EVL: variants seen among roughly 807,000 people sequenced by gnomAD.
EVL encodes the protein ena/VASP-like protein.
In EVL, 21 loss-of-function variants were observed where a neutral mutation model predicts 59.6. The ratio of observed to expected loss-of-function variants is 0.35; its 90% CI spans 0.25 to 0.51. EVL has a LOEUF of 0.51. Ranked by LOEUF, EVL falls within the 20% of genes least tolerant of loss-of-function variation. The pLI, the probability that EVL is intolerant of heterozygous loss-of-function variation, is 0.97. For missense variants in EVL, 462 were observed against 546.6 expected, an observed-to-expected ratio of 0.85 and a Z score of 1.54; for synonymous variants, 198 against 203.5, an observed-to-expected ratio of 0.97 and a Z score of 0.23.
intron 1 of EVL, among the ~76,000 whole-genome samples, chr14:100,055,805 TTCTTTTTCTTTC>T (rs1417165379): frequency 1.7e-4 from 25 of 151,476 alleles, no homozygotes; most frequent in South Asian, 4.2e-4. Context: ...TTTTTCTTTT[TTCTTTTTCTTTC>T]TCTTTTTCTT....
chr14:100,035,608 A>C (rs184113691), intron 1 of EVL, among the ~76,000 whole-genome samples: 10 of 152,276 alleles, frequency 6.6e-5, no homozygotes, highest in African/African-American at 2.4e-4. Context: ...GTTTTCTAGC[A>C]CCTGGCCAAA....
intron 1 of EVL, among the ~76,000 whole-genome samples, chr14:100,020,188 G>C (rs749933840): frequency 6.6e-6 from 1 of 152,050 alleles, no homozygotes; most frequent in Non-Finnish European, 1.5e-5. Flanking sequence ...TCTCATCGCC[G>C]GTCTGTTTTC....
chr14:99,979,597 C>T (rs997425415), intron 1 of EVL, among the ~76,000 whole-genome samples: 4 of 151,744 alleles, frequency 2.6e-5, no homozygotes, highest in Admixed American at 6.6e-5. Context: ...TGGCTGGGTG[C>T]GGTGGCTCAC....
At chr14:100,123,404 G>T in intron 3 of EVL, 135 bp from the exon 4 acceptor site, 1 of 786,224 alleles carries the variant, frequency 1.3e-6, no homozygotes. Context: ...TGTGAGTGAG[G>T]CCAACATTTA....
chr14:99,991,266 G>C (rs1332467956), intron 1 of EVL, among the ~76,000 whole-genome samples: 1 of 152,074 alleles, frequency 6.6e-6, no homozygotes. Context: ...TTCCTGTTTA[G>C]AAAAAGTACA....
intron 1 of EVL, among the ~76,000 whole-genome samples, chr14:100,035,981 G>A (rs984038591): frequency 6.6e-6 from 1 of 152,094 alleles, no homozygotes; most frequent in African/African-American, 2.4e-5. Flanking sequence ...CTATGGCAGG[G>A]GTCCCCAACC....
At chr14:100,042,025 A>G (rs1265061156) in intron 1 of EVL, among the ~76,000 whole-genome samples, 2 of 152,264 alleles carry the variant, frequency 1.3e-5, no homozygotes, top group African/African-American at 4.8e-5. Flanking sequence ...TAATAACCAT[A>G]TGAACTAAAG....
intron 3 of EVL, chr14:100,106,880 C>T: frequency 2.5e-6 from 1 of 398,680 alleles, no homozygotes. Flanking sequence ...AAACCACTTC[C>T]TGATATGACC....
chr14:100,137,677 G>A (rs1254966406), intron 10 of EVL, 33 bp downstream of exon 10: 3 of 1,614,016 alleles, frequency 1.9e-6, no homozygotes, highest in Non-Finnish European at 2.5e-6. Flanking sequence ...GAGCAGCGAG[G>A]CTGGTGGGGC....
intron 1 of EVL, among the ~76,000 whole-genome samples, chr14:99,976,416 C>T (rs1431753575): frequency 2.0e-5 from 3 of 152,022 alleles, no homozygotes; most frequent in Non-Finnish European, 2.9e-5. Context: ...TGTCTTTTAC[C>T]TCCTTTAACA....
intron 1 of EVL, among the ~76,000 whole-genome samples, chr14:100,029,903 A>G (rs1014116212): frequency 9.2e-5 from 14 of 152,106 alleles, no homozygotes; most frequent in African/African-American, 3.4e-4. Flanking sequence ...GCAGAGATAA[A>G]CATTTTCACC....
At chr14:99,977,304 C>CATAA (rs1312186353) in intron 1 of EVL, 3 of 152,166 alleles carry the variant, frequency 2.0e-5, no homozygotes, top group African/African-American at 4.8e-5. Flanking sequence ...GTACTTTTAT[C>CATAA]TCCTTTCCAT....
chr14:100,030,955 G>A (rs141881877), intron 1 of EVL, among the ~76,000 whole-genome samples: 53 of 152,272 alleles, frequency 3.5e-4, no homozygotes, highest in African/African-American at 1.2e-3. Flanking sequence ...AACTAACTAG[G>A]ACTACACGGG....
chr14:99,987,904 A>AGTTTTTTTT (rs1566963012), intron 1 of EVL, among the ~76,000 whole-genome samples: 1 of 139,484 alleles, frequency 7.2e-6, no homozygotes. Flanking sequence ...AAGACAACCC[A>AGTTTTTTTT]ATTTTTTTTT....
intron 1 of EVL, among the ~76,000 whole-genome samples, chr14:100,046,109 A>C (rs1399072339): frequency 1.3e-5 from 2 of 152,206 alleles, no homozygotes; most frequent in Admixed American, 1.3e-4. Context: ...GAGATAGCCA[A>C]ATGATAAGAA....
At chr14:100,050,353 A>AT (rs762561323) in intron 1 of EVL, among the ~76,000 whole-genome samples, 22 of 28,692 alleles carry the variant, frequency 7.7e-4, no homozygotes, top group African/African-American at 1.7e-3. Flanking sequence ...TTATTTATTT[A>AT]TTTATTTATT....
chr14:100,091,063 T>C (rs925929635), intron 2 of EVL, among the ~76,000 whole-genome samples: 1 of 152,224 alleles, frequency 6.6e-6, no homozygotes, highest in Non-Finnish European at 1.5e-5. Context: ...GATATTATCA[T>C]ATATGTATTA....
intron 1 of EVL, among the ~76,000 whole-genome samples, chr14:100,040,458 C>T (rs1477214696): frequency 6.6e-6 from 1 of 152,132 alleles, no homozygotes; most frequent in Non-Finnish European, 1.5e-5. Flanking sequence ...AGCATGGGAG[C>T]AGAGAGAAGG....
At chr14:100,028,095 A>G (rs767589297) in intron 1 of EVL, among the ~76,000 whole-genome samples, 8 of 150,412 alleles carry the variant, frequency 5.3e-5, no homozygotes, top group Non-Finnish European at 1.0e-4. Context: ...TTTCTGGATC[A>G]TATGGTAGTT....
Sources: gnomAD v4.1 joint callset for allele counts (sites outside exome capture counted in the v4.1 genomes callset) on GRCh38, gnomAD v4.1.1 for gene constraint, MANE v1.5 for transcripts, NCBI Gene and HGNC (gene_info 2026-07-23, HGNC 2026-07-21) for gene names.